Variants in THBS2 observed in about 807,000 individuals in gnomAD.
THBS2 encodes thrombospondin 2.
THBS2 carries 47 observed loss-of-function variants against 135.2 expected under a neutral mutation model. The ratio of observed to expected loss-of-function variants is 0.35; its 90% CI spans 0.28 to 0.44. THBS2 has a LOEUF of 0.44. Ranked by LOEUF, THBS2 falls within the 20% of genes least tolerant of loss-of-function variation. THBS2 has a pLI of 1.00. For missense variants in THBS2, 1,288 were observed against 1,603.1 expected (o/e 0.80, Z 3.36); for synonymous variants, 639 against 633.8 (o/e 1.01, Z -0.12).
intron 3 of THBS2, among the ~76,000 whole-genome samples, chr6:169,247,137 G>T (rs1455934412): frequency 3.3e-5 from 5 of 152,200 alleles, no homozygotes; most frequent in Non-Finnish European, 7.3e-5. Context: ...TTGATTCCTT[G>T]ATCATCAAAC....
At chr6:169,244,313 AACACACAC>A (rs35075375) in intron 4 of THBS2, among the ~76,000 whole-genome samples, 9 of 147,316 alleles carry the variant, frequency 6.1e-5, no homozygotes, top group Middle Eastern at 3.6e-3. Context: ...GTATGCTGGT[AACACACAC>A]ACACACACAC....
At chr6:169,244,516 T>G (rs1323744763) in intron 4 of THBS2, among the ~76,000 whole-genome samples, 1 of 151,952 alleles carries the variant, frequency 6.6e-6, no homozygotes, top group Admixed American at 6.6e-5. Context: ...GAAGGGTATA[T>G]TTTCTTTCAT....
chr6:169,244,168 T>C, intron 4 of THBS2, among the ~76,000 whole-genome samples: 1 of 140,590 alleles, frequency 7.1e-6, no homozygotes, highest in South Asian at 2.2e-4. Flanking sequence ...CTCTGTGTTT[T>C]TTTTTTTTTT....
chr6:169,225,417 C>G (rs1779592450), intron 16 of THBS2, 38 bp from the exon 17 acceptor site: 1 of 1,538,736 alleles, frequency 6.5e-7, no homozygotes, highest in Non-Finnish European at 8.8e-7. Flanking sequence ...CAGAGGACTG[C>G]CAGTTTGAGG....
In THBS2 at chr6:169,217,754, A is replaced by G. The variant is rs1019992175; in HGVS notation, c.*68T>C. 1.8e-5 allele frequency: 29 copies of G among 1,567,742 alleles called. No individual in the cohort carries two copies. In the Admixed American group the frequency reaches 4.0e-4, roughly 21 times the overall value. On this transcript the variant is annotated 3_prime_UTR_variant, in exon 22 of 22. Transcript: ENST00000617924. ...GCTAGAGAGAGAAGCCACAAGGACC[A>G]CAATGAACTGAGGTGTCTAGGGACC... is the stretch of plus-strand genomic sequence containing the variant.
Position 169,221,423 on chromosome 6 carries a change from C to T in THBS2, c.3371+7G>A. ...GAAGAAATGCAGCTGTGCTGACCTG[C>T]CCTCACCTGATGTAGCCAGTCTTGG... On this transcript the variant is annotated splice_region_variant and intron_variant, in intron 20 of 21. Transcript: ENST00000617924. The T allele has an allele frequency of 6.2e-7, 1 of 1,613,658 alleles. No individual in the cohort carries two copies. Among genetic ancestry groups the T allele is most frequent in the South Asian group, 1.1e-5 (1 of 91,072 alleles).
chr6:169,227,092 G>T (rs1280063517), intron 15 of THBS2, among the ~76,000 whole-genome samples: 1 of 152,194 alleles, frequency 6.6e-6, no homozygotes, highest in Non-Finnish European at 1.5e-5. Flanking sequence ...ACGAGAGGAG[G>T]GTGGAGGCAG....
At chr6:169,233,329 C>CA (rs1247702464) in intron 10 of THBS2, among the ~76,000 whole-genome samples, 1 of 151,874 alleles carries the variant, frequency 6.6e-6, no homozygotes, top group Non-Finnish European at 1.5e-5. Flanking sequence ...CCACAACACA[C>CA]AACTACATGT....
At chr6:169,218,458 A>C (rs1158220268) in intron 21 of THBS2, among the ~76,000 whole-genome samples, 1 of 109,112 alleles carries the variant, frequency 9.2e-6, no homozygotes, top group Non-Finnish European at 1.8e-5. Flanking sequence ...GCTGAGATGG[A>C]TGGATGGGAT....
rs555656149 is a variant in THBS2 at position 169,216,173 on chromosome 6, A to C, written c.*1649T>G. 6.6e-6 allele frequency: 1 copy of C among 152,240 alleles called. No homozygotes were observed. Among genetic ancestry groups the C allele is most frequent in the Non-Finnish European group, 1.5e-5 (1 of 68,018 alleles). 9.4% of individuals were successfully genotyped at this position (152,240 alleles called of 1,614,324 possible). A position where few individuals can be genotyped will look rare whatever the true frequency, so the allele number is the denominator to read the frequency against. ...GTAAAAAGTGCAGCAAAACAACAACACAACGATCAACCTCAAAGGAAACAA... is the reference window on the plus strand; with the variant it reads ...GTAAAAAGTGCAGCAAAACAACAACCCAACGATCAACCTCAAAGGAAACAA... On this transcript the variant is annotated 3_prime_UTR_variant, in exon 22 of 22. Coordinates refer to ENST00000617924, the MANE Select transcript of THBS2 (RefSeq NM_003247.5).
chr6:169,230,316 TAGAG>T (rs1779787104), intron 13 of THBS2, among the ~76,000 whole-genome samples: 1 of 152,070 alleles, frequency 6.6e-6, no homozygotes, highest in Non-Finnish European at 1.5e-5. Context: ...CAGGAAAAGG[TAGAG>T]AGTAGCGTGT....
Position 169,226,124 on chromosome 6 carries a change from TCC to T in THBS2, c.2538+54_2538+55del, listed in dbSNP as rs200522552. ...ACAGTGATCCCCCACACCGCCACCG[TCC>T]CCGCGTCCCTCTGATGAGGACCTCC... On this transcript the variant is annotated intron_variant, in intron 16 of 21. Coordinates refer to ENST00000617924, the MANE Select transcript of THBS2 (RefSeq NM_003247.5). 2,885 of 1,503,684 alleles carry T rather than the reference TCC, an allele frequency of 1.9e-3. 44 individuals carry two copies. The African/African-American group carries it at 0.029, about 15-fold the overall frequency. 93.1% of individuals were successfully genotyped at this position (1,503,684 alleles called of 1,614,324 possible).
At position 169,232,611 on chromosome 6, in the gene THBS2, T is replaced by A. The variant is rs1345216040; in HGVS notation, c.1932+53A>T. 6 of 1,546,470 alleles carry A rather than the reference T, an allele frequency of 3.9e-6. No homozygotes were observed. The Admixed American group carries it at 7.8e-5, about 20-fold the overall frequency. ...TCCTCCTGCTGCTTTTCTGAGCTCA[T>A]CTGATTTTTCCAAAGCCGCTCGCAA... On this transcript the variant is annotated intron_variant, in intron 12 of 21. Transcript: ENST00000617924.
intron 7 of THBS2, 52 bp from the exon 8 acceptor site, chr6:169,237,847 CACAGA>C: frequency 6.3e-7 from 1 of 1,579,788 alleles, no homozygotes; most frequent in Non-Finnish European, 8.6e-7. Flanking sequence ...ACAGACGTGC[CACAGA>C]ACAGAACGGG....
In THBS2 at chr6:169,225,274, CGTT is replaced by C. The variant is rs1289698768; in HGVS notation, c.2641_2643del (p.Asn881del). On this transcript the variant is annotated inframe_deletion, in exon 17 of 22. Transcript: ENST00000617924. ...TCTCTGTCATGGTCAGCCTGGTTGG[CGTT>C]GGAGATGTAGGGGCAGTTGTCCTGG... 6.2e-7 allele frequency: 1 copy of C among 1,608,454 alleles called. No individual in the cohort carries two copies. Among genetic ancestry groups the C allele is most frequent in the African/African-American group, 1.3e-5 (1 of 74,816 alleles).
intron 4 of THBS2, among the ~76,000 whole-genome samples, chr6:169,244,936 C>A (rs932031034): frequency 6.6e-6 from 1 of 152,202 alleles, no homozygotes; most frequent in Non-Finnish European, 1.5e-5. Flanking sequence ...CACAAGGACC[C>A]GGACCTGCAA....
In THBS2 at chr6:169,216,906, G is replaced by C. The variant is rs1282441653; in HGVS notation, c.*916C>G. On this transcript the variant is annotated 3_prime_UTR_variant, in exon 22 of 22. Coordinates refer to ENST00000617924, the MANE Select transcript of THBS2 (RefSeq NM_003247.5). Reference sequence around the variant, plus strand: ...AAGCAACTTGTCCGCAGTTACCAAAGCCTAGATACGCGTTAGATGCGCCTT... The same window carrying C: ...AAGCAACTTGTCCGCAGTTACCAAACCCTAGATACGCGTTAGATGCGCCTT... The C allele has an allele frequency of 6.6e-6, 1 of 152,224 alleles. No individual in the cohort carries two copies. The highest frequency in any genetic ancestry group is 1.5e-5 in the Non-Finnish European group (1 of 68,046). 9.4% of individuals were successfully genotyped at this position (152,224 alleles called of 1,614,324 possible). A position where few individuals can be genotyped will look rare whatever the true frequency, so the allele number is the denominator to read the frequency against.
chr6:169,250,872 T>C (rs1481025675), intron 1 of THBS2, 66 bp from the exon 2 acceptor site: 14 of 1,116,534 alleles, frequency 1.3e-5, no homozygotes, highest in Non-Finnish European at 1.8e-5. Flanking sequence ...TGAGCGAGAC[T>C]GGCCCAGTGA....
chr6:169,222,115 C>G, intron 19 of THBS2, 82 bp downstream of exon 19: 2 of 1,472,650 alleles, frequency 1.4e-6, no homozygotes, highest in South Asian at 2.7e-5. Context: ...AGTGGGGTCT[C>G]TGGACTGGGC....
Sources: gnomAD v4.1 joint callset for allele counts (sites outside exome capture counted in the v4.1 genomes callset) on GRCh38, gnomAD v4.1.1 for gene constraint, MANE v1.5 for transcripts, NCBI Gene and HGNC (gene_info 2026-07-23, HGNC 2026-07-21) for gene names.